Variants in SPIDR observed in about 807,000 individuals in gnomAD.
SPIDR encodes DNA repair-scaffolding protein.
Under a neutral mutation model 104.6 loss-of-function variants are expected in SPIDR, and 93 were observed. The observed-to-expected ratio is 0.89, with a 90% CI of 0.75 to 1.06. The LOEUF (loss-of-function observed/expected upper bound fraction) is 1.06, where lower values mean the gene tolerates loss of function less well. Among genes scored for constraint, SPIDR ranks in the 50% least tolerant of loss-of-function variants. SPIDR has a pLI of 0.00. For synonymous variants in SPIDR, 431 were observed against 416.9 expected (o/e 1.03, Z -0.41); for missense variants, 1,154 against 1,111.2 (o/e 1.04, Z -0.55).
chr8:47,386,910 G>GATATAGATATAT (rs781809487), intron 5 of SPIDR, among the ~76,000 whole-genome samples: 20 of 25,150 alleles, frequency 8.0e-4, no homozygotes, highest in Non-Finnish European at 1.3e-3. Context: ...GAGAGATATA[G>GATATAGATATAT]ATATAGATAT....
intron 10 of SPIDR, among the ~76,000 whole-genome samples, chr8:47,631,474 AC>A (rs1315421117): frequency 6.6e-6 from 1 of 152,256 alleles, no homozygotes; most frequent in African/African-American, 2.4e-5. Flanking sequence ...TTCTAAAACC[AC>A]ACAAATATTA....
intron 8 of SPIDR, among the ~76,000 whole-genome samples, chr8:47,567,225 A>AT (rs1374291677): frequency 0.022 from 3,275 of 148,050 alleles, 64 homozygotes; most frequent in African/African-American, 0.042. Context: ...ATATATATAT[A>AT]TATTTTTTTT....
At chr8:47,651,317 G>T (rs188164558) in intron 10 of SPIDR, among the ~76,000 whole-genome samples, 2 of 152,228 alleles carry the variant, frequency 1.3e-5, no homozygotes, top group Non-Finnish European at 2.9e-5. Context: ...CTCAAAAGAT[G>T]ACTTACAAAT....
chr8:47,520,284 C>A (rs893310442), intron 8 of SPIDR, among the ~76,000 whole-genome samples: 1 of 152,110 alleles, frequency 6.6e-6, no homozygotes, highest in Non-Finnish European at 1.5e-5. Flanking sequence ...TGTTAATGAT[C>A]AGTTGAACGT....
intron 5 of SPIDR, among the ~76,000 whole-genome samples, chr8:47,299,173 T>C (rs1563523715): frequency 6.6e-6 from 1 of 152,008 alleles, no homozygotes; most frequent in South Asian, 2.1e-4. Flanking sequence ...CCTTCACGTC[T>C]CTTGTAAGTT....
At chr8:47,434,019 A>C (rs1208659286) in intron 7 of SPIDR, among the ~76,000 whole-genome samples, 1 of 152,214 alleles carries the variant, frequency 6.6e-6, no homozygotes, top group African/African-American at 2.4e-5. Flanking sequence ...AACTAACAGA[A>C]ACACCCCAAA....
At chr8:47,340,652 C>T (rs1366870106) in intron 5 of SPIDR, among the ~76,000 whole-genome samples, 1 of 152,164 alleles carries the variant, frequency 6.6e-6, no homozygotes, top group Non-Finnish European at 1.5e-5. Context: ...CTTGGAGTGT[C>T]TTTGTTGCGT....
chr8:47,410,493 A>G (rs1161225390), intron 7 of SPIDR, among the ~76,000 whole-genome samples: 2 of 151,800 alleles, frequency 1.3e-5, no homozygotes, highest in Non-Finnish European at 2.9e-5. Context: ...TTTTTCTTCT[A>G]TACATATCTG....
intron 5 of SPIDR, among the ~76,000 whole-genome samples, chr8:47,382,774 T>G (rs1458781520): frequency 6.6e-6 from 1 of 152,158 alleles, no homozygotes; most frequent in Non-Finnish European, 1.5e-5. Context: ...CTTTAGAGAA[T>G]TGTAGCATTT....
At chr8:47,548,397 C>T (rs1348693088) in intron 8 of SPIDR, among the ~76,000 whole-genome samples, 2 of 152,208 alleles carry the variant, frequency 1.3e-5, no homozygotes, top group Non-Finnish European at 1.5e-5. Flanking sequence ...CCTGTAATCC[C>T]ATCACTTTGG....
chr8:47,559,816 C>T (rs1443038879), intron 8 of SPIDR, among the ~76,000 whole-genome samples: 1 of 152,146 alleles, frequency 6.6e-6, no homozygotes, highest in East Asian at 1.9e-4. Flanking sequence ...TCTTCCATTA[C>T]CCAAATCCAA....
intron 5 of SPIDR, among the ~76,000 whole-genome samples, chr8:47,334,306 G>A (rs782288978): frequency 6.6e-6 from 1 of 152,160 alleles, no homozygotes; most frequent in Non-Finnish European, 1.5e-5. Context: ...GTGTTATTGT[G>A]TTCAAATATA....
At chr8:47,675,875 G>A (rs1333094652) in intron 11 of SPIDR, among the ~76,000 whole-genome samples, 1 of 152,228 alleles carries the variant, frequency 6.6e-6, no homozygotes, top group Non-Finnish European at 1.5e-5. Context: ...ACTAAGTGTA[G>A]TTATGGTAAC....
intron 5 of SPIDR, among the ~76,000 whole-genome samples, chr8:47,309,473 A>G (rs587620173): frequency 6.6e-6 from 1 of 152,290 alleles, no homozygotes; most frequent in Admixed American, 6.5e-5. Context: ...CATCTGTGCC[A>G]GAAATTATAT....
chr8:47,341,892 C>T (rs1256055379), intron 5 of SPIDR, among the ~76,000 whole-genome samples: 4 of 152,148 alleles, frequency 2.6e-5, no homozygotes, highest in Non-Finnish European at 5.9e-5. Flanking sequence ...GAATCTTCCC[C>T]TCTGCAGTCC....
intron 10 of SPIDR, among the ~76,000 whole-genome samples, chr8:47,662,016 C>G (rs2074194090): frequency 6.6e-6 from 1 of 152,216 alleles, no homozygotes; most frequent in Admixed American, 6.5e-5. Flanking sequence ...GCTCCTTGTT[C>G]TCTGAAATGA....
At chr8:47,708,756 G>A (rs912748962) in intron 14 of SPIDR, among the ~76,000 whole-genome samples, 1 of 152,038 alleles carries the variant, frequency 6.6e-6, no homozygotes, top group Non-Finnish European at 1.5e-5. Flanking sequence ...ATTGTATAAA[G>A]TTGGAATCTT....
rs143096364 is a variant in SPIDR, at chr8:47,261,364, C to T, written c.33+373C>T. Among the ~76,000 whole-genome samples the T allele has an allele frequency of 2.8e-3, 424 of 152,282 alleles. 11 individuals are homozygous for T. Among genetic ancestry groups the T allele is most frequent in the Non-Finnish European group, 9.3e-4 (63 of 68,030 alleles). ...GCAGGGAATCCTGGCGTGGTTTTACCCGTCTCCGCGGATAATCCACTGTCA... is the reference window on the plus strand; with the variant it reads ...GCAGGGAATCCTGGCGTGGTTTTACTCGTCTCCGCGGATAATCCACTGTCA... On this transcript the variant is annotated intron_variant, in intron 1 of 19. Coordinates refer to ENST00000297423, the MANE Select transcript of SPIDR (RefSeq NM_001080394.4).
chr8:47,728,863 G>C, intron 17 of SPIDR, 70 bp from the exon 18 acceptor site: 1 of 1,519,964 alleles, frequency 6.6e-7, no homozygotes, highest in Non-Finnish European at 8.9e-7. Context: ...TTAAGAAAAT[G>C]TCTCCCACTG....
Sources: allele counts gnomAD v4.1 joint callset (sites outside exome capture counted in the v4.1 genomes callset), GRCh38; gene constraint gnomAD v4.1.1; transcripts MANE v1.5; gene names NCBI Gene and HGNC (gene_info 2026-07-23, HGNC 2026-07-21).